Variants in GLIS3 observed in about 807,000 individuals in gnomAD.
GLIS3 encodes GLIS family zinc finger 3.
GLIS3 carries 53 observed loss-of-function variants against 78.6 expected under a neutral mutation model. That is an observed-to-expected ratio of 0.67 (90% CI 0.54 to 0.85). The LOEUF (loss-of-function observed/expected upper bound fraction) is 0.85, where lower values mean the gene tolerates loss of function less well. Ranked by LOEUF, GLIS3 falls within the 40% of genes least tolerant of loss-of-function variation. GLIS3 has a pLI of 0.00. For synonymous variants in GLIS3, 684 were observed against 509.9 expected (o/e 1.34, Z -4.60); for missense variants, 1,703 against 1,231.1 (o/e 1.38, Z -5.74).
intron 2 of GLIS3, among the ~76,000 whole-genome samples, chr9:4,213,940 AAAC>A (rs749934347): frequency 6.8e-6 from 1 of 146,550 alleles, no homozygotes; most frequent in African/African-American, 2.6e-5. Flanking sequence ...AAAAAAAAAA[AAAC>A]AACTAAAACT....
chr9:4,032,090 G>A (rs1000081635), intron 4 of GLIS3, among the ~76,000 whole-genome samples: 5 of 152,140 alleles, frequency 3.3e-5, no homozygotes, highest in Admixed American at 2.0e-4. Flanking sequence ...GCCCTGCAGA[G>A]CAAGGGACAC....
At chr9:4,044,781 C>T (rs796475354) in intron 4 of GLIS3, among the ~76,000 whole-genome samples, 5 of 152,286 alleles carry the variant, frequency 3.3e-5, no homozygotes, top group African/African-American at 1.2e-4. Flanking sequence ...AAGCAAAAAC[C>T]TGGGACTAAC....
intron 2 of GLIS3, among the ~76,000 whole-genome samples, chr9:4,184,966 T>C (rs951717122): frequency 1.3e-5 from 2 of 152,192 alleles, no homozygotes; most frequent in Admixed American, 6.6e-5. Context: ...AACAAATTTA[T>C]TGAGGTACAT....
chr9:4,183,875 G>A (rs778424652), intron 2 of GLIS3, among the ~76,000 whole-genome samples: 1 of 152,114 alleles, frequency 6.6e-6, no homozygotes, highest in East Asian at 1.9e-4. Flanking sequence ...TAAGGGCAGA[G>A]AACTATAAAT....
chr9:4,358,545 G>C, the GLIS3 span, among the ~76,000 whole-genome samples: 11 of 152,254 alleles, frequency 7.2e-5, no homozygotes, highest in African/African-American at 2.6e-4. Context: ...CACGTTTCTA[G>C]TTGCTGGGGA....
intron 8 of GLIS3, among the ~76,000 whole-genome samples, chr9:3,867,854 T>A (rs1820701251): frequency 6.6e-6 from 1 of 151,972 alleles, no homozygotes; most frequent in Non-Finnish European, 1.5e-5. Context: ...AAGTTAACCT[T>A]TCTAGAGAGA....
chr9:4,345,600 C>G (rs1817887550), intron 2 of GLIS3, among the ~76,000 whole-genome samples: 1 of 152,184 alleles, frequency 6.6e-6, no homozygotes, highest in Admixed American at 6.5e-5. Flanking sequence ...ACCAGTTGCT[C>G]TTGTTCCTCT....
In GLIS3 at chr9:4,286,408, G is replaced by A. The variant is rs774995690; in HGVS notation, c.18C>T (p.Cys6=). The A allele has an allele frequency of 6.2e-7, 1 of 1,614,086 alleles. No individual in the cohort carries two copies. The highest frequency in any genetic ancestry group is 8.5e-7 in the Non-Finnish European group (1 of 1,180,050). Residue 6 remains cysteine (C), a synonymous_variant, in exon 2 of 11, where the codon TGC becomes TGT. Transcript: ENST00000381971. ...CCGATGTCCGGTGGAGACTCATGCT[G>A]CATGATCTTCCATTCATTCTGAAAA... MNGRS[C]SMSLHRTSGT... is the part of the protein sequence containing the mutation.
At chr9:3,951,906 C>G (rs988117648) in intron 4 of GLIS3, among the ~76,000 whole-genome samples, 1 of 141,872 alleles carries the variant, frequency 7.0e-6, no homozygotes, top group Non-Finnish European at 1.6e-5. Flanking sequence ...ACCCACTGGC[C>G]TTTCTGGATG....
At chr9:4,250,846 T>C (rs1207581946) in intron 2 of GLIS3, among the ~76,000 whole-genome samples, 2 of 152,242 alleles carry the variant, frequency 1.3e-5, no homozygotes, top group East Asian at 3.8e-4. Context: ...AAATTATTTA[T>C]TTCTGCCTTA....
intron 5 of GLIS3, among the ~76,000 whole-genome samples, chr9:3,935,820 T>C (rs1474486659): frequency 1.3e-5 from 2 of 152,194 alleles, no homozygotes; most frequent in African/African-American, 2.4e-5. Context: ...TGAATTCAGG[T>C]AGAGTAGAAA....
the GLIS3 span, among the ~76,000 whole-genome samples, chr9:4,432,338 G>A: frequency 4.6e-5 from 7 of 152,168 alleles, no homozygotes; most frequent in Admixed American, 4.6e-4. Context: ...CTTAAAGCTA[G>A]GGTAGGATCT....
At chr9:4,025,512 C>G (rs974992588) in intron 4 of GLIS3, among the ~76,000 whole-genome samples, 3 of 151,996 alleles carry the variant, frequency 2.0e-5, no homozygotes, top group Non-Finnish European at 2.9e-5. Flanking sequence ...CTCAGCCTCC[C>G]GAGTAGCTGG....
intron 4 of GLIS3, among the ~76,000 whole-genome samples, chr9:4,039,398 C>T (rs1824610741): frequency 1.3e-5 from 2 of 152,174 alleles, no homozygotes; most frequent in Non-Finnish European, 2.9e-5. Context: ...AAGCATCTCT[C>T]TCTCTCTCTT....
intron 6 of GLIS3, among the ~76,000 whole-genome samples, chr9:3,926,548 T>G (rs867333786): frequency 6.6e-6 from 1 of 151,460 alleles, no homozygotes; most frequent in Non-Finnish European, 1.5e-5. Flanking sequence ...TTTTTAAAAA[T>G]TTGCAGCCAA....
chr9:4,352,886 G>A (rs1238923439), upstream of GLIS3, among the ~76,000 whole-genome samples: 1 of 152,226 alleles, frequency 6.6e-6, no homozygotes, highest in African/African-American at 2.4e-5. Context: ...ACCATATCCT[G>A]TGGTGCATGG....
At chr9:4,480,671 C>T in the GLIS3 span, among the ~76,000 whole-genome samples, 113 of 151,932 alleles carry the variant, frequency 7.4e-4, no homozygotes, top group African/African-American at 2.5e-3. Context: ...CCTTGGCCTA[C>T]CGGGGCAAAA....
the GLIS3 span, among the ~76,000 whole-genome samples, chr9:4,465,900 T>C: frequency 2.6e-5 from 4 of 152,206 alleles, no homozygotes; most frequent in Non-Finnish European, 2.9e-5. Context: ...TAAGTGCATT[T>C]GAAGTTGATA....
chr9:4,129,644 T>C (rs1832823968), intron 2 of GLIS3, among the ~76,000 whole-genome samples: 1 of 152,208 alleles, frequency 6.6e-6, no homozygotes, highest in South Asian at 2.1e-4. Flanking sequence ...CCCCAGAAGC[T>C]TCTATGCTTC....
Sources: gnomAD v4.1 joint callset for allele counts (sites outside exome capture counted in the v4.1 genomes callset) on GRCh38, gnomAD v4.1.1 for gene constraint, MANE v1.5 for transcripts, NCBI Gene and HGNC (gene_info 2026-07-23, HGNC 2026-07-21) for gene names.